The following C1orf167 variants were observed in gnomAD, a reference collection of about 807,000 sequenced individuals.
C1orf167 encodes the protein uncharacterized protein C1orf167.
A neutral mutation model predicts 176.5 loss-of-function variants in C1orf167; 153 were observed. The observed-to-expected ratio is 0.87, with a 90% CI of 0.76 to 0.99. The LOEUF (loss-of-function observed/expected upper bound fraction) is 0.99. Among genes scored for constraint, C1orf167 ranks in the 50% least tolerant of loss-of-function variants. The pLI, the probability that C1orf167 is intolerant of heterozygous loss-of-function variation, is 0.00. For synonymous variants in C1orf167, 594 were observed against 752.7 expected (o/e 0.79, Z 3.45); for missense variants, 1,490 against 1,817.7 (o/e 0.82, Z 3.28).
rs41275456 is a variant in C1orf167, at chr1:11,775,499, C to A, written c.2053C>A (p.Arg685Ser). The part of the protein sequence containing the change: ...GSRYRDHLAD[R>S]RTGTLRKCLE... Reference sequence around the variant, plus strand: ...CCGGTACCGAGACCACCTGGCTGACCGCCGGACGGGGACCCTGAGGAAATG... The same window carrying A: ...CCGGTACCGAGACCACCTGGCTGACAGCCGGACGGGGACCCTGAGGAAATG... Residue 685 changes from arginine (R) to serine (S), a missense_variant, in exon 9 of 21, where the codon CGC becomes AGC. By Grantham distance (110) the Arg-to-Ser change is moderately radical. Coordinates refer to ENST00000688073, the MANE Select transcript of C1orf167 (RefSeq NM_001010881.2). 1 of 1,304,074 alleles carries A rather than the reference C, an allele frequency of 7.7e-7. No homozygotes were observed. The allele number at this position is 1,304,074 out of a possible 1,614,324, so 80.8% of individuals were successfully genotyped here. A position where few individuals can be genotyped will look rare whatever the true frequency, so the allele number is the denominator to read the frequency against.
rs1245770973 is a variant in C1orf167 at position 11,762,288 on chromosome 1, C to G, written c.-88C>G. On this transcript the variant is annotated 5_prime_UTR_variant, in exon 1 of 21. Transcript: ENST00000688073. ...AAATCCGACTGGGTGAAGGAGGACCCGAGGAGGACCCACGCACGTGAGGGC... is the reference window on the plus strand; with the variant it reads ...AAATCCGACTGGGTGAAGGAGGACCGGAGGAGGACCCACGCACGTGAGGGC... 5.0e-6 allele frequency: 2 copies of G among 401,208 alleles called. No homozygotes were observed. Among genetic ancestry groups the G allele is most frequent in the Admixed American group, 2.8e-5 (1 of 36,342 alleles). The allele number at this position is 401,208 out of a possible 1,614,324, so 24.9% of individuals were successfully genotyped here.
chr1:11,782,390 G>C, intron 14 of C1orf167, 57 bp downstream of exon 14: 6 of 1,161,762 alleles, frequency 5.2e-6, no homozygotes, highest in Non-Finnish European at 6.5e-6. Flanking sequence ...GAATAGCAAG[G>C]AGAGCACCCA....
chr1:11,764,258 TA>T, intron 1 of C1orf167, 72 bp from the exon 2 acceptor site: 2 of 566,042 alleles, frequency 3.5e-6, no homozygotes, highest in Middle Eastern at 3.1e-4. Context: ...GGAGTACTGC[TA>T]AAGGGAGGAG....
At chr1:11,767,134 CT>C (rs1273854041) in intron 3 of C1orf167, 49 bp downstream of exon 3, 2 of 1,276,164 alleles carry the variant, frequency 1.6e-6, no homozygotes, top group African/African-American at 3.0e-5. Flanking sequence ...GGAGGTGTTG[CT>C]CCAGGGCAGG....
chr1:11,771,974 A>G (rs932262167), intron 7 of C1orf167, 108 bp from the exon 8 acceptor site: 2 of 831,408 alleles, frequency 2.4e-6, no homozygotes, highest in Non-Finnish European at 3.3e-6. Context: ...TTACTCAGAG[A>G]TGGGGGGTGC....
rs1038971079 is a variant in C1orf167, at chr1:11,789,457, T to C, written c.*11T>C. The C allele has an allele frequency of 3.2e-5, 42 of 1,302,256 alleles. No individual in the cohort carries two copies. In the Admixed American group the frequency reaches 4.4e-4, roughly 14 times the overall value. The allele number at this position is 1,302,256 out of a possible 1,614,324, so 80.7% of individuals were successfully genotyped here. On this transcript the variant is annotated 3_prime_UTR_variant, in exon 21 of 21. Transcript: ENST00000688073. The stretch of plus-strand genomic sequence containing the variant: ...CAGCTGCAGCTGTGACTTGTTCTCA[T>C]AGAATAAAAAACAGAACTGAACTTA...
At chr1:11,762,972 G>A (rs777368299) in intron 1 of C1orf167, among the ~76,000 whole-genome samples, 8 of 152,202 alleles carry the variant, frequency 5.3e-5, no homozygotes, top group Non-Finnish European at 1.0e-4. Flanking sequence ...GGCAGGGAGG[G>A]CTCACTGTGA....
intron 6 of C1orf167, among the ~76,000 whole-genome samples, chr1:11,769,881 C>T (rs1035268945): frequency 6.6e-6 from 1 of 152,060 alleles, no homozygotes; most frequent in African/African-American, 2.4e-5. Context: ...CCGTATTAGC[C>T]AGGACCTCAA....
chr1:11,772,866 C>A (rs1227524148), intron 8 of C1orf167, among the ~76,000 whole-genome samples: 4 of 97,374 alleles, frequency 4.1e-5, no homozygotes, highest in African/African-American at 1.4e-4. Flanking sequence ...TTTTTTTGCT[C>A]CCTGGTGGTT....
At chr1:11,763,817 G>A (rs1228614459) in intron 1 of C1orf167, among the ~76,000 whole-genome samples, 1 of 152,206 alleles carries the variant, frequency 6.6e-6, no homozygotes, top group Non-Finnish European at 1.5e-5. Flanking sequence ...TGCTCCAGGG[G>A]TCAGATCCTG....
chr1:11,784,423 C>G lies in C1orf167; in HGVS notation c.3255C>G (p.Phe1085Leu), dbSNP rs1557742801. 1.5e-6 allele frequency: 2 copies of G among 1,303,746 alleles called. No individual in the cohort carries two copies. The highest frequency in any genetic ancestry group is 2.0e-6 in the Non-Finnish European group (2 of 988,898). 80.8% of individuals were successfully genotyped at this position (1,303,746 alleles called of 1,614,324 possible). A position where few individuals can be genotyped will look rare whatever the true frequency, so the allele number is the denominator to read the frequency against. Residue 1085 changes from phenylalanine to leucine, a missense_variant, in exon 15 of 21, where the codon TTC becomes TTG. By Grantham distance (22) the Phe-to-Leu change is conservative. Coordinates refer to ENST00000688073, the MANE Select transcript of C1orf167 (RefSeq NM_001010881.2). ...QQKKARAPQA[F>L]PAWPVAPGMH... ...AGAAGGCCCGGGCCCCACAGGCCTT[C>G]CCAGCATGGCCAGTGGCCCCGGGCA...
rs1643446252 is a variant in C1orf167, at chr1:11,778,711, G to T, written c.2391G>T (p.Trp797Cys). ...GGATGCTGCAGCGCAGCCTGAGATGGTGGCACTTGAGGGCACTGGGCCCAG... is the reference window on the plus strand; with the variant it reads ...GGATGCTGCAGCGCAGCCTGAGATGTTGGCACTTGAGGGCACTGGGCCCAG... ...QQRMLQRSLR[W>C]WHLRALGPDA... Residue 797 changes from tryptophan to cysteine, a missense_variant, in exon 11 of 21, where the codon TGG (tryptophan) becomes TGT (cysteine). By Grantham distance (215) the Trp-to-Cys change is radical (BLOSUM62 -2). Coordinates refer to ENST00000688073, the MANE Select transcript of C1orf167 (RefSeq NM_001010881.2). 1 of 1,303,884 alleles carries T rather than the reference G, an allele frequency of 7.7e-7. No homozygotes were observed. The highest frequency in any genetic ancestry group is 1.5e-5 in the African/African-American group (1 of 65,872). 80.8% of individuals were successfully genotyped at this position (1,303,884 alleles called of 1,614,324 possible).
chr1:11,787,307 G>T, intron 16 of C1orf167, 81 bp from the exon 17 acceptor site: 1 of 791,866 alleles, frequency 1.3e-6, no homozygotes, highest in Middle Eastern at 4.9e-4. Context: ...CTGCCAGCTA[G>T]AGCAGCGAAG....
intron 1 of C1orf167, among the ~76,000 whole-genome samples, chr1:11,763,890 GGT>G (rs1224554023): frequency 6.6e-6 from 1 of 152,132 alleles, no homozygotes; most frequent in African/African-American, 2.4e-5. Context: ...GGGGAATCGG[GGT>G]GGCTCCAGGA....
chr1:11,774,635 G>A (rs867225152), intron 8 of C1orf167, among the ~76,000 whole-genome samples: 8 of 152,168 alleles, frequency 5.3e-5, no homozygotes, highest in South Asian at 2.1e-4. Flanking sequence ...TAGCAGAGCC[G>A]AATTGGACCC....
At chr1:11,789,143 C>T in intron 20 of C1orf167, 127 bp from the exon 21 acceptor site, 3 of 930,386 alleles carry the variant, frequency 3.2e-6, no homozygotes, top group Non-Finnish European at 4.3e-6. Context: ...GACTGGCTGG[C>T]TGCTTGGGGC....
intron 6 of C1orf167, among the ~76,000 whole-genome samples, chr1:11,770,971 T>C (rs1557726473): frequency 4.3e-5 from 1 of 23,302 alleles, no homozygotes; most frequent in African/African-American, 6.4e-5. Flanking sequence ...CACTGGCTAA[T>C]TTGTGTGTGT....
rs575668585 is a variant in C1orf167, at chr1:11,779,420, CCT to C, written c.2651+341_2651+342del. On this transcript the variant is annotated intron_variant, in intron 12 of 20. Coordinates refer to ENST00000688073, the MANE Select transcript of C1orf167 (RefSeq NM_001010881.2). Reference sequence around the variant, plus strand: ...GGCAAGTTGCATAACTTCTCTGTGCCCTATTTGCCTATCTGTAAAATGGGGTT... The same window carrying C: ...GGCAAGTTGCATAACTTCTCTGTGCCATTTGCCTATCTGTAAAATGGGGTT... The C allele has an allele frequency of 3.0e-3, 663 of 217,516 alleles. 2 individuals are homozygous for C. The highest frequency in any genetic ancestry group is 3.4e-3 in the Admixed American group (65 of 19,150). 13.5% of individuals were successfully genotyped at this position (217,516 alleles called of 1,614,324 possible). A position where few individuals can be genotyped will look rare whatever the true frequency, so the allele number is the denominator to read the frequency against.
At position 11,784,569 on chromosome 1, in the gene C1orf167, A is replaced by C. The variant is rs1414876579; in HGVS notation, c.3401A>C (p.His1134Pro). The C allele has an allele frequency of 7.9e-7, 1 of 1,265,240 alleles. No homozygotes were observed. Among genetic ancestry groups the C allele is most frequent in the South Asian group, 1.3e-5 (1 of 76,476 alleles). 78.4% of individuals were successfully genotyped at this position (1,265,240 alleles called of 1,614,324 possible). A position where few individuals can be genotyped will look rare whatever the true frequency, so the allele number is the denominator to read the frequency against. Residue 1134 changes from histidine (H) to proline (P), a missense_variant, in exon 15 of 21, where the codon CAT becomes CCT. Coordinates refer to ENST00000688073, the MANE Select transcript of C1orf167 (RefSeq NM_001010881.2). The stretch of plus-strand genomic sequence containing the variant: ...TGTCGGGGCCAGGTCAGCCGAGCCC[A>C]TGCTTCCTGGAAGCCGCGAGCCTGG... ...ESCRGQVSRA[H>P]ASWKPRAWVL... is the part of the protein sequence containing the mutation.
Sources: allele counts gnomAD v4.1 joint callset (sites outside exome capture counted in the v4.1 genomes callset), GRCh38; gene constraint gnomAD v4.1.1; transcripts MANE v1.5; gene names NCBI Gene and HGNC (gene_info 2026-07-23, HGNC 2026-07-21).